The following STAG1 variants were observed in gnomAD, a reference collection of about 807,000 sequenced individuals.
STAG1 encodes the protein STAG1 cohesin complex component, also known as cohesin subunit SA-1.
A neutral mutation model predicts 170.9 loss-of-function variants in STAG1; 26 were observed. The observed-to-expected ratio is 0.15, with a 90% CI of 0.11 to 0.21. The LOEUF is 0.21. Among genes scored for constraint, STAG1 ranks in the 10% least tolerant of loss-of-function variants. The probability of loss-of-function intolerance (pLI) is 1.00; values close to 1 mark genes in which losing one functional copy is unlikely to be tolerated. For missense variants in STAG1, 964 were observed against 1,509.5 expected (o/e 0.64, Z 5.99); for synonymous variants, 514 against 497.7 (o/e 1.03, Z -0.44).
intron 22 of STAG1, among the ~76,000 whole-genome samples, chr3:136,394,782 G>A (rs997518457): frequency 1.3e-5 from 2 of 151,690 alleles, no homozygotes; most frequent in Non-Finnish European, 2.9e-5. Flanking sequence ...GTGAAACCCC[G>A]TCTCTACTAA....
At chr3:136,747,333 T>C (rs935081999) in intron 1 of STAG1, among the ~76,000 whole-genome samples, 2 of 151,084 alleles carry the variant, frequency 1.3e-5, no homozygotes, top group Non-Finnish European at 2.9e-5. Flanking sequence ...CCACAGCAAC[T>C]GTCTGACGCA....
chr3:136,598,245 G>A (rs1238144858), intron 4 of STAG1, among the ~76,000 whole-genome samples: 1 of 151,836 alleles, frequency 6.6e-6, no homozygotes, highest in Non-Finnish European at 1.5e-5. Context: ...TTTCTTCACA[G>A]TAATGTTAGG....
chr3:136,556,384 T>C (rs1936615995), intron 5 of STAG1, among the ~76,000 whole-genome samples: 1 of 152,178 alleles, frequency 6.6e-6, no homozygotes, highest in East Asian at 1.9e-4. Context: ...GGGGTTCTAC[T>C]GACATTTAGT....
chr3:136,501,021 T>C (rs1362429016), intron 8 of STAG1, among the ~76,000 whole-genome samples: 1 of 128,212 alleles, frequency 7.8e-6, no homozygotes, highest in Non-Finnish European at 1.7e-5. Flanking sequence ...TTTTACTACA[T>C]ACATGAATGT....
chr3:136,668,551 G>A lies in STAG1; in HGVS notation c.-83-37570C>T, dbSNP rs1301378271. 3.3e-5 allele frequency among the ~76,000 whole-genome samples: 5 copies of A among 151,842 alleles called. No individual in the cohort carries two copies. The East Asian group carries it at 9.7e-4, about 29-fold the overall frequency. Reference sequence around the variant, plus strand: ...GAAGAATGAAAGGAGAAAGCAAGAGGAGTAAGCATAGAGAAAGCCTTCAGG... The same window carrying A: ...GAAGAATGAAAGGAGAAAGCAAGAGAAGTAAGCATAGAGAAAGCCTTCAGG... On this transcript the variant is annotated intron_variant, in intron 1 of 33. Coordinates refer to ENST00000383202, the MANE Select transcript of STAG1 (RefSeq NM_005862.3).
chr3:136,521,029 A>G (rs945543280), intron 7 of STAG1, among the ~76,000 whole-genome samples, 184 bp downstream of exon 7: 9 of 152,118 alleles, frequency 5.9e-5, no homozygotes, highest in Non-Finnish European at 1.3e-4. Context: ...GAAAATTTCA[A>G]TTTTCATTCT....
At chr3:136,494,788 G>T (rs1932989787) in intron 9 of STAG1, among the ~76,000 whole-genome samples, 1 of 151,800 alleles carries the variant, frequency 6.6e-6, no homozygotes, top group African/African-American at 2.4e-5. Context: ...CTACTAAAGG[G>T]TATCTACACA....
intron 14 of STAG1, 33 bp from the exon 15 acceptor site, chr3:136,443,437 T>G: frequency 2.8e-6 from 4 of 1,414,858 alleles, no homozygotes; most frequent in East Asian, 2.3e-5. Context: ...GACCAAAGAA[T>G]ATTTAATAAA....
intron 1 of STAG1, among the ~76,000 whole-genome samples, chr3:136,719,249 A>G (rs1933062358): frequency 6.6e-6 from 1 of 152,202 alleles, no homozygotes; most frequent in African/African-American, 2.4e-5. Flanking sequence ...TTGCTAAATA[A>G]AAGCCAAACA....
intron 1 of STAG1, among the ~76,000 whole-genome samples, chr3:136,678,850 CA>C (rs559610524): frequency 0.013 from 455 of 35,392 alleles, 1 homozygote; most frequent in Middle Eastern, 0.034. Flanking sequence ...CCCATGCTCA[CA>C]AAAAAAAAAA....
At chr3:136,708,574 G>T (rs1943292501) in intron 1 of STAG1, among the ~76,000 whole-genome samples, 1 of 152,036 alleles carries the variant, frequency 6.6e-6, no homozygotes, top group Non-Finnish European at 1.5e-5. Context: ...TGCACTAAAT[G>T]ACACTAAATG....
intron 29 of STAG1, among the ~76,000 whole-genome samples, chr3:136,344,326 T>C (rs1479750083): frequency 6.6e-6 from 1 of 152,166 alleles, no homozygotes; most frequent in Non-Finnish European, 1.5e-5. Context: ...TCATTCATCC[T>C]AGAAGGGGAA....
chr3:136,646,789 C>T (rs1941034697), intron 1 of STAG1, among the ~76,000 whole-genome samples: 1 of 151,938 alleles, frequency 6.6e-6, no homozygotes, highest in Non-Finnish European at 1.5e-5. Context: ...GCCTGTAATC[C>T]CAGCTACTCG....
chr3:136,407,048 CAG>C (rs1197348164), intron 21 of STAG1, among the ~76,000 whole-genome samples: 1 of 151,540 alleles, frequency 6.6e-6, no homozygotes, highest in African/African-American at 2.4e-5. Flanking sequence ...TTTTTTGAGA[CAG>C]AGTTTTGCTC....
At chr3:136,398,397 C>T (rs1257931716) in intron 22 of STAG1, among the ~76,000 whole-genome samples, 2 of 152,096 alleles carry the variant, frequency 1.3e-5, no homozygotes, top group Non-Finnish European at 2.9e-5. Context: ...GGATTATAGG[C>T]GTAAGCCACC....
chr3:136,514,617 ATT>A (rs1377240351), intron 7 of STAG1, among the ~76,000 whole-genome samples: 1 of 152,154 alleles, frequency 6.6e-6, no homozygotes, highest in Non-Finnish European at 1.5e-5. Flanking sequence ...GCATACGTAT[ATT>A]TACTGCGACA....
At chr3:136,343,248 C>T (rs967823101) in intron 30 of STAG1, among the ~76,000 whole-genome samples, 1 of 152,174 alleles carries the variant, frequency 6.6e-6, no homozygotes, top group Non-Finnish European at 1.5e-5. Flanking sequence ...TCACCCTCTG[C>T]CTTCTCTACA....
At chr3:136,748,391 A>C (rs1463633745) in intron 1 of STAG1, among the ~76,000 whole-genome samples, 1 of 151,536 alleles carries the variant, frequency 6.6e-6, no homozygotes, top group Non-Finnish European at 1.5e-5. Flanking sequence ...CACTCAAAAA[A>C]TAATAAATTT....
intron 6 of STAG1, among the ~76,000 whole-genome samples, chr3:136,528,494 A>T (rs946890838): frequency 1.4e-5 from 1 of 71,352 alleles, no homozygotes; most frequent in African/African-American, 5.5e-5. Flanking sequence ...ATGTCCCCGC[A>T]CCCCCCCCCC....
Sources: gnomAD v4.1 joint callset for allele counts (sites outside exome capture counted in the v4.1 genomes callset) on GRCh38, gnomAD v4.1.1 for gene constraint, MANE v1.5 for transcripts, NCBI Gene and HGNC (gene_info 2026-07-23, HGNC 2026-07-21) for gene names.